MLLT3: variants seen among roughly 807,000 people sequenced by gnomAD.
The protein encoded by MLLT3 is MLLT3 super elongation complex subunit.
MLLT3 carries 4 observed loss-of-function variants against 53.2 expected under a neutral mutation model. That is an observed-to-expected ratio of 0.08 (90% CI 0.04 to 0.17). The LOEUF (loss-of-function observed/expected upper bound fraction) is 0.17. Among genes scored for constraint, MLLT3 ranks in the 10% least tolerant of loss-of-function variants. The pLI is 1.00. For missense variants in MLLT3, 569 were observed against 684.0 expected (o/e 0.83, Z 1.87); for synonymous variants, 283 against 230.6 (o/e 1.23, Z -2.06).
At chr9:20,575,169 G>A (rs544994173) in intron 2 of MLLT3, among the ~76,000 whole-genome samples, 13 of 152,240 alleles carry the variant, frequency 8.5e-5, no homozygotes, top group African/African-American at 7.2e-5. Context: ...CATCCATGAG[G>A]GCTGGGAAAA....
intron 5 of MLLT3, among the ~76,000 whole-genome samples, chr9:20,370,877 A>G (rs1284861235): frequency 6.6e-6 from 1 of 152,218 alleles, no homozygotes; most frequent in Non-Finnish European, 1.5e-5. Flanking sequence ...TCAAGAGGTG[A>G]CAGGCCAAAT....
chr9:20,422,796 T>A (rs191920119), intron 4 of MLLT3, among the ~76,000 whole-genome samples: 1 of 152,252 alleles, frequency 6.6e-6, no homozygotes, highest in East Asian at 1.9e-4. Context: ...CAATATTAAC[T>A]AATCACTTTA....
chr9:20,385,332 G>GA (rs536719204), intron 5 of MLLT3, among the ~76,000 whole-genome samples: 41 of 151,996 alleles, frequency 2.7e-4, no homozygotes, highest in Admixed American at 8.5e-4. Flanking sequence ...AATATCCCAG[G>GA]AAAAAATCCC....
intron 2 of MLLT3, among the ~76,000 whole-genome samples, chr9:20,603,157 G>A (rs1820476020): frequency 6.6e-6 from 1 of 151,904 alleles, no homozygotes; most frequent in African/African-American, 2.4e-5. Flanking sequence ...TCTGATTTTG[G>A]CAGTCTTCTA....
intron 2 of MLLT3, among the ~76,000 whole-genome samples, chr9:20,567,304 T>TAAAAAA (rs35505450): frequency 5.8e-3 from 461 of 79,484 alleles, no homozygotes; most frequent in Non-Finnish European, 7.6e-3. Context: ...CTATATTCAG[T>TAAAAAA]AAAAAAAAAA....
intron 2 of MLLT3, among the ~76,000 whole-genome samples, chr9:20,469,521 T>C (rs978850207): frequency 3.3e-5 from 5 of 151,964 alleles, no homozygotes; most frequent in African/African-American, 4.8e-5. Context: ...ATATGAAAGA[T>C]AGGTTGATGA....
chr9:20,501,062 ATGAT>A (rs543620166), intron 2 of MLLT3, among the ~76,000 whole-genome samples: 6 of 152,158 alleles, frequency 3.9e-5, no homozygotes, highest in Non-Finnish European at 5.9e-5. Flanking sequence ...TTAGCTAAAT[ATGAT>A]TGATTTTTGG....
At chr9:20,452,029 C>A (rs1329779992) in intron 3 of MLLT3, among the ~76,000 whole-genome samples, 2 of 152,122 alleles carry the variant, frequency 1.3e-5, no homozygotes, top group Non-Finnish European at 2.9e-5. Context: ...GAACTGAAGA[C>A]GAGCTCATTA....
At chr9:20,489,022 A>G (rs1200256420) in intron 2 of MLLT3, among the ~76,000 whole-genome samples, 1 of 152,236 alleles carries the variant, frequency 6.6e-6, no homozygotes, top group African/African-American at 2.4e-5. Flanking sequence ...AGATAGACAT[A>G]TTTTTAGACA....
At chr9:20,430,502 G>A (rs1048068123) in intron 4 of MLLT3, among the ~76,000 whole-genome samples, 19 of 152,038 alleles carry the variant, frequency 1.2e-4, no homozygotes, top group Admixed American at 9.2e-4. Context: ...TTGACATGGC[G>A]GATCATTGAT....
intron 2 of MLLT3, among the ~76,000 whole-genome samples, chr9:20,484,013 G>A (rs1375582540): frequency 6.6e-6 from 1 of 151,962 alleles, no homozygotes; most frequent in Non-Finnish European, 1.5e-5. Flanking sequence ...GCCCGGCCCA[G>A]TAAAACTCTT....
intron 4 of MLLT3, among the ~76,000 whole-genome samples, chr9:20,444,174 T>C (rs1823630405): frequency 6.6e-6 from 1 of 152,174 alleles, no homozygotes. Flanking sequence ...GATAAGGGAA[T>C]AGAGAGAAAA....
intron 2 of MLLT3, among the ~76,000 whole-genome samples, chr9:20,543,669 G>A (rs773327785): frequency 6.6e-6 from 1 of 151,788 alleles, no homozygotes; most frequent in African/African-American, 2.4e-5. Flanking sequence ...AAAGAAGGAG[G>A]AGAAGGAGAA....
intron 10 of MLLT3, among the ~76,000 whole-genome samples, chr9:20,348,030 AC>A (rs1820921294): frequency 6.6e-6 from 1 of 152,132 alleles, no homozygotes; most frequent in African/African-American, 2.4e-5. Context: ...ATATTATTTG[AC>A]TTTCACAGAA....
At chr9:20,524,020 G>A (rs1036542790) in intron 2 of MLLT3, among the ~76,000 whole-genome samples, 1 of 151,878 alleles carries the variant, frequency 6.6e-6, no homozygotes, top group African/African-American at 2.4e-5. Flanking sequence ...TGGTTGTCAG[G>A]GGTCAGGGGA....
At chr9:20,622,203 A>C in intron 1 of MLLT3, 42 bp downstream of exon 1, 2 of 1,575,580 alleles carry the variant, frequency 1.3e-6, no homozygotes, top group Non-Finnish European at 1.7e-6. Flanking sequence ...CGAGGAAGGA[A>C]AGTGGGGGAG....
chr9:20,430,120 T>A (rs1438785184), intron 4 of MLLT3, among the ~76,000 whole-genome samples: 1 of 152,070 alleles, frequency 6.6e-6, no homozygotes, highest in Non-Finnish European at 1.5e-5. Flanking sequence ...ATATTAATAA[T>A]AGCAAAACAA....
At chr9:20,615,940 GTTCA>G (rs1476959816) in intron 2 of MLLT3, among the ~76,000 whole-genome samples, 1 of 149,624 alleles carries the variant, frequency 6.7e-6, no homozygotes, top group African/African-American at 2.5e-5. Flanking sequence ...TTAAGAAAAT[GTTCA>G]TTTTTCATTA....
At chr9:20,391,646 A>G (rs1822182375) in intron 5 of MLLT3, among the ~76,000 whole-genome samples, 1 of 152,178 alleles carries the variant, frequency 6.6e-6, no homozygotes, top group Admixed American at 6.5e-5. Context: ...TCTGTTCCTG[A>G]TCCACTTTCC....
Sources: allele counts gnomAD v4.1 joint callset (sites outside exome capture counted in the v4.1 genomes callset), GRCh38; gene constraint gnomAD v4.1.1; transcripts MANE v1.5; gene names NCBI Gene and HGNC (gene_info 2026-07-23, HGNC 2026-07-21).